Variants in ADARB1 observed in about 807,000 individuals in gnomAD.
ADARB1 encodes double-stranded RNA-specific editase 1.
ADARB1 carries 10 observed loss-of-function variants against 52.4 expected under a neutral mutation model. That is an observed-to-expected ratio of 0.19 (90% CI 0.12 to 0.32). The LOEUF is 0.32. Among genes scored for constraint, ADARB1 ranks in the 10% least tolerant of loss-of-function variants. ADARB1 has a pLI of 1.00. For missense variants in ADARB1, 643 were observed against 922.3 expected, an observed-to-expected ratio of 0.70 and a Z score of 3.92; for synonymous variants, 349 against 371.1, an observed-to-expected ratio of 0.94 and a Z score of 0.68.
At chr21:45,191,693 G>T (rs995408089) in intron 8 of ADARB1, among the ~76,000 whole-genome samples, 1 of 151,264 alleles carries the variant, frequency 6.6e-6, no homozygotes. Context: ...AGTTAAATAG[G>T]CCTATACTTT....
rs757626683 is a variant in ADARB1, at chr21:45,113,491, GTA to G, written c.-219-14905_-219-14904del. 8.9e-3 allele frequency among the ~76,000 whole-genome samples: 1,065 copies of G among 119,560 alleles called. 10 individuals carry two copies. Among genetic ancestry groups the G allele is most frequent in the Non-Finnish European group, 0.012 (667 of 54,856 alleles). 78.4% of individuals were successfully genotyped at this position (119,560 alleles called of 152,430 possible). On this transcript the variant is annotated intron_variant, in intron 1 of 10. Coordinates refer to ENST00000348831, the MANE Select transcript of ADARB1 (RefSeq NM_001112.4). ...TGTATATATATATATGTGTGTGTGT[GTA>G]TATATGTGTGTGTGTGTGTGTGTGT...
intron 2 of ADARB1, among the ~76,000 whole-genome samples, chr21:45,156,969 A>G (rs2090690312): frequency 6.6e-6 from 1 of 152,244 alleles, no homozygotes; most frequent in Non-Finnish European, 1.5e-5. Flanking sequence ...ACCATTCTCT[A>G]GCAGTGTCTG....
At chr21:45,160,181 G>A (rs1259552749) in intron 2 of ADARB1, among the ~76,000 whole-genome samples, 1 of 152,216 alleles carries the variant, frequency 6.6e-6, no homozygotes, top group Non-Finnish European at 1.5e-5. Flanking sequence ...CCCTTAGATG[G>A]AAGGAAAACA....
chr21:45,191,304 TC>T (rs1262549098), intron 8 of ADARB1, among the ~76,000 whole-genome samples: 17 of 152,344 alleles, frequency 1.1e-4, no homozygotes, highest in African/African-American at 4.1e-4. Flanking sequence ...TTTTCTTTAT[TC>T]CTGCTGTCCA....
intron 2 of ADARB1, among the ~76,000 whole-genome samples, chr21:45,160,154 A>G (rs540058772): frequency 1.2e-3 from 187 of 152,288 alleles, no homozygotes; most frequent in African/African-American, 4.4e-3. Context: ...CCTTCTGTCA[A>G]GGCACATGCT....
At chr21:45,217,749 C>T (rs941005703) in intron 9 of ADARB1, among the ~76,000 whole-genome samples, 1 of 152,090 alleles carries the variant, frequency 6.6e-6, no homozygotes, top group African/African-American at 2.4e-5. Flanking sequence ...CACAAGTCTT[C>T]TGATGATGAA....
chr21:45,155,751 A>G (rs1303328367), intron 2 of ADARB1, among the ~76,000 whole-genome samples: 1 of 51,842 alleles, frequency 1.9e-5, no homozygotes, highest in Non-Finnish European at 3.5e-5. Context: ...ATCATCACCT[A>G]TCATCCATCA....
intron 2 of ADARB1, among the ~76,000 whole-genome samples, chr21:45,156,415 C>T (rs2090638016): frequency 6.7e-6 from 1 of 150,268 alleles, no homozygotes; most frequent in South Asian, 2.1e-4. Context: ...ACCCACCCAT[C>T]ATCACCCATC....
chr21:45,148,008 C>A (rs1379224173), intron 2 of ADARB1, among the ~76,000 whole-genome samples: 1 of 152,088 alleles, frequency 6.6e-6, no homozygotes, highest in Non-Finnish European at 1.5e-5. Context: ...ACAGCCCTCT[C>A]GAACTCACCC....
chr21:45,164,609 C>T (rs898035800), intron 2 of ADARB1, among the ~76,000 whole-genome samples: 8 of 151,964 alleles, frequency 5.3e-5, no homozygotes, highest in African/African-American at 1.2e-4. Flanking sequence ...TGAAGCCTTG[C>T]GCGAGGACAT....
At chr21:45,080,643 T>C (rs537224698) in intron 1 of ADARB1, among the ~76,000 whole-genome samples, 3 of 152,380 alleles carry the variant, frequency 2.0e-5, no homozygotes, top group East Asian at 1.9e-4. Flanking sequence ...GAAAGATACA[T>C]GTGGAAATGG....
At chr21:45,104,737 T>G (rs906059977) in intron 1 of ADARB1, among the ~76,000 whole-genome samples, 2 of 152,216 alleles carry the variant, frequency 1.3e-5, no homozygotes, top group Non-Finnish European at 2.9e-5. Flanking sequence ...GGAATTTCCC[T>G]GGCGCTGGCA....
chr21:45,096,505 G>T (rs951967430), intron 1 of ADARB1, among the ~76,000 whole-genome samples: 4 of 152,232 alleles, frequency 2.6e-5, no homozygotes, highest in African/African-American at 9.6e-5. Flanking sequence ...GACAGCCCCA[G>T]TGCTCCCCCT....
intron 2 of ADARB1, among the ~76,000 whole-genome samples, chr21:45,138,225 G>T (rs901324613): frequency 3.3e-5 from 5 of 152,200 alleles, no homozygotes; most frequent in Admixed American, 6.5e-5. Flanking sequence ...CATTAACTGT[G>T]CACTGTTAGT....
At chr21:45,164,735 A>G (rs2091170099) in intron 2 of ADARB1, among the ~76,000 whole-genome samples, 1 of 152,068 alleles carries the variant, frequency 6.6e-6, no homozygotes, top group Admixed American at 6.5e-5. Flanking sequence ...ATTTATAAGG[A>G]CATAACCCTG....
rs1832712011 is a variant in ADARB1, at chr21:45,175,789, G to A, written c.88G>A (p.Gly30Ser). The A allele has an allele frequency of 6.2e-7, 1 of 1,614,200 alleles. No homozygotes were observed. Among genetic ancestry groups the A allele is most frequent in the South Asian group, 1.1e-5 (1 of 91,086 alleles). ...TCTGGACAACGTGTCCCCCAAGGAT[G>A]GCAGCACACCTGGGCCTGGCGAGGG... ...RNLDNVSPKD[G>S]STPGPGEGSQ... The change falls in exon 4 of 11, where the codon GGC (glycine) becomes AGC (serine). Residue 30 changes from glycine (G) to serine (S), a missense_variant. Coordinates refer to ENST00000348831, the MANE Select transcript of ADARB1 (RefSeq NM_001112.4).
intron 8 of ADARB1, among the ~76,000 whole-genome samples, chr21:45,185,634 T>C (rs574698421): frequency 2.6e-5 from 4 of 152,346 alleles, no homozygotes; most frequent in African/African-American, 9.6e-5. Flanking sequence ...AGCAGGCACC[T>C]GGGAGATATT....
In ADARB1 at chr21:45,122,462, T is replaced by C. The variant is rs186757523; in HGVS notation, c.-219-5940T>C. On this transcript the variant is annotated intron_variant, in intron 1 of 10. Transcript: ENST00000348831. ...GGCATTTCCCTTTGTTAGGAGATAG[T>C]GGGGTATAAACCCATTGTGGAAACC... Among the ~76,000 whole-genome samples, 332 of 152,316 alleles carry C rather than the reference T, an allele frequency of 2.2e-3. 1 individual carries two copies. Among genetic ancestry groups the C allele is most frequent in the South Asian group, 4.6e-3 (22 of 4,824 alleles).
At chr21:45,161,862 A>C (rs2090989143) in intron 2 of ADARB1, among the ~76,000 whole-genome samples, 1 of 152,170 alleles carries the variant, frequency 6.6e-6, no homozygotes, top group South Asian at 2.1e-4. Context: ...GGACTCAGCC[A>C]GACTTGGGCA....
Sources: gnomAD v4.1 joint callset for allele counts (sites outside exome capture counted in the v4.1 genomes callset) on GRCh38, gnomAD v4.1.1 for gene constraint, MANE v1.5 for transcripts, NCBI Gene and HGNC (gene_info 2026-07-23, HGNC 2026-07-21) for gene names.